The following GLIS1 variants were observed in gnomAD, a reference collection of about 807,000 sequenced individuals.
GLIS1 encodes GLIS family zinc finger 1.
A neutral mutation model predicts 63.8 loss-of-function variants in GLIS1; 24 were observed. The ratio of observed to expected loss-of-function variants is 0.38; its 90% CI spans 0.27 to 0.53. The LOEUF (loss-of-function observed/expected upper bound fraction) is 0.53, where lower values mean the gene tolerates loss of function less well. Among genes scored for constraint, GLIS1 ranks in the 20% least tolerant of loss-of-function variants. GLIS1 has a pLI of 0.85. For missense variants in GLIS1, 1,036 were observed against 1,074.1 expected, an observed-to-expected ratio of 0.96 and a Z score of 0.50; for synonymous variants, 450 against 482.5, an observed-to-expected ratio of 0.93 and a Z score of 0.88.
intron 2 of GLIS1, among the ~76,000 whole-genome samples, chr1:53,640,625 A>G (rs748798238): frequency 2.0e-5 from 3 of 152,136 alleles, no homozygotes; most frequent in Non-Finnish European, 4.4e-5. Context: ...TGAGCACTTC[A>G]CTTGGACTGT....
chr1:53,707,179 G>A (rs577497075), intron 2 of GLIS1, among the ~76,000 whole-genome samples: 1 of 152,294 alleles, frequency 6.6e-6, no homozygotes, highest in East Asian at 1.9e-4. Context: ...CTGAAATGGA[G>A]ACAGGGGAAG....
chr1:53,530,283 C>T (rs924508515), intron 4 of GLIS1, among the ~76,000 whole-genome samples: 23 of 152,342 alleles, frequency 1.5e-4, no homozygotes, highest in African/African-American at 9.6e-5. Flanking sequence ...AGCACAGCCC[C>T]GAATCAGGGC....
At chr1:53,615,197 T>A (rs2100582926) in intron 2 of GLIS1, among the ~76,000 whole-genome samples, 1 of 152,244 alleles carries the variant, frequency 6.6e-6, no homozygotes, top group Non-Finnish European at 1.5e-5. Context: ...CACTCTCAGA[T>A]GCTGGCCCAG....
At chr1:53,614,848 G>A (rs185701398) in intron 2 of GLIS1, among the ~76,000 whole-genome samples, 6 of 151,096 alleles carry the variant, frequency 4.0e-5, no homozygotes, top group Admixed American at 2.0e-4. Flanking sequence ...GCACACACAC[G>A]GACTCTCACC....
At position 53,639,404 on chromosome 1, in the gene GLIS1, A is replaced by G. The variant is rs1329187485; in HGVS notation, c.260-39126T>C. On this transcript the variant is annotated intron_variant, in intron 2 of 10. Transcript: ENST00000628545. The surrounding 1 kb of genome is among the most constrained non-coding windows in gnomAD (Gnocchi z 4.6). Reference sequence around the variant, plus strand: ...TGGCAGCAGCCGTCTGGGAGGCTGGACTGAGCCGCCACTCTGAGAACGCCT... The same window carrying G: ...TGGCAGCAGCCGTCTGGGAGGCTGGGCTGAGCCGCCACTCTGAGAACGCCT... 6.6e-6 allele frequency among the ~76,000 whole-genome samples: 1 copy of G among 151,904 alleles called. No homozygotes were observed. The highest frequency in any genetic ancestry group is 2.4e-5 in the African/African-American group (1 of 41,324).
intron 2 of GLIS1, among the ~76,000 whole-genome samples, chr1:53,644,708 G>A (rs1645823697): frequency 6.6e-6 from 1 of 152,180 alleles, no homozygotes; most frequent in Non-Finnish European, 1.5e-5. Context: ...CTGGAGAGGA[G>A]GAAATTAGAA....
At chr1:53,555,982 GGT>G (rs561229120) in intron 4 of GLIS1, among the ~76,000 whole-genome samples, 9 of 121,776 alleles carry the variant, frequency 7.4e-5, no homozygotes, top group South Asian at 2.7e-4. Context: ...GTATACTGCA[GGT>G]GTGTGTGTGT....
chr1:53,575,184 G>A (rs956298016), intron 4 of GLIS1, among the ~76,000 whole-genome samples: 3 of 152,104 alleles, frequency 2.0e-5, no homozygotes, highest in African/African-American at 7.2e-5. Flanking sequence ...AGCACAGATT[G>A]CAATTAACAT....
chr1:53,584,969 G>A (rs940784616), intron 4 of GLIS1, among the ~76,000 whole-genome samples: 8 of 152,156 alleles, frequency 5.3e-5, no homozygotes, highest in African/African-American at 1.9e-4. Context: ...AGTCACTGTT[G>A]ATTTTATCTG....
intron 2 of GLIS1, among the ~76,000 whole-genome samples, chr1:53,618,376 A>C (rs1295658173): frequency 1.3e-5 from 2 of 152,240 alleles, no homozygotes; most frequent in African/African-American, 4.8e-5. Flanking sequence ...CCTTTCTCTA[A>C]GATGCAGGCC....
chr1:53,516,481 G>A (rs1644354092), intron 7 of GLIS1, among the ~76,000 whole-genome samples: 1 of 151,962 alleles, frequency 6.6e-6, no homozygotes, highest in African/African-American at 2.4e-5. Flanking sequence ...GAGCAGCAGG[G>A]CCTGTGGCAA....
intron 2 of GLIS1, among the ~76,000 whole-genome samples, chr1:53,665,315 G>A (rs1249018274): frequency 1.3e-5 from 2 of 152,116 alleles, no homozygotes; most frequent in Non-Finnish European, 2.9e-5. Context: ...GACTGGGGGA[G>A]GTATATGTTG....
intron 2 of GLIS1, among the ~76,000 whole-genome samples, chr1:53,736,853 T>C (rs1341627681): frequency 6.6e-6 from 1 of 152,174 alleles, no homozygotes; most frequent in Non-Finnish European, 1.5e-5. Context: ...AGGCTGATGC[T>C]AGGAAGTGAT....
chr1:53,555,628 T>C (rs1318935980), intron 4 of GLIS1, among the ~76,000 whole-genome samples: 6 of 152,268 alleles, frequency 3.9e-5, no homozygotes, highest in African/African-American at 1.4e-4. Flanking sequence ...TTTCCCCTGG[T>C]GTGATTACTA....
intron 2 of GLIS1, among the ~76,000 whole-genome samples, chr1:53,687,320 G>C (rs1646348020): frequency 6.6e-6 from 1 of 152,258 alleles, no homozygotes; most frequent in South Asian, 2.1e-4. Flanking sequence ...ACATTTTTAG[G>C]GGGTGGGCAG....
At chr1:53,556,763 T>C (rs1283790227) in intron 4 of GLIS1, among the ~76,000 whole-genome samples, 2 of 147,858 alleles carry the variant, frequency 1.4e-5, no homozygotes, top group African/African-American at 5.0e-5. Flanking sequence ...GATACTTGTT[T>C]GTGTGCAGGC....
intron 2 of GLIS1, among the ~76,000 whole-genome samples, chr1:53,662,784 T>C (rs1646043180): frequency 6.6e-6 from 1 of 152,076 alleles, no homozygotes; most frequent in African/African-American, 2.4e-5. Flanking sequence ...TACTCCCCCA[T>C]CCAACCAGTC....
chr1:53,522,595 T>A (rs1342383996), intron 6 of GLIS1, among the ~76,000 whole-genome samples: 2 of 152,104 alleles, frequency 1.3e-5, no homozygotes, highest in African/African-American at 4.8e-5. Flanking sequence ...GCTGGGCTGG[T>A]TTGTTAACTC....
At chr1:53,673,353 T>C (rs115067392) in intron 2 of GLIS1, among the ~76,000 whole-genome samples, 436 of 152,274 alleles carry the variant, frequency 2.9e-3, no homozygotes, top group Non-Finnish European at 4.4e-3. Flanking sequence ...AAAAACAAAA[T>C]ATACCCATGC....
Sources: allele counts gnomAD v4.1 joint callset (sites outside exome capture counted in the v4.1 genomes callset), GRCh38; gene constraint gnomAD v4.1.1; non-coding constraint Gnocchi (gnomAD v3.1); transcripts MANE v1.5; gene names NCBI Gene and HGNC (gene_info 2026-07-23, HGNC 2026-07-21).